Variants in MSH3 observed in about 807,000 individuals in gnomAD.
MSH3 encodes mutS homolog 3, also known as DNA mismatch repair protein Msh3.
In MSH3, 106 loss-of-function variants were observed where a neutral mutation model predicts 123.3. The observed-to-expected ratio is 0.86, with a 90% CI of 0.73 to 1.01. The LOEUF is 1.01. Among genes scored for constraint, MSH3 ranks in the 50% least tolerant of loss-of-function variants. MSH3 has a pLI of 0.00. For synonymous variants in MSH3, 515 were observed against 481.4 expected, an observed-to-expected ratio of 1.07 and a Z score of -0.91; for missense variants, 1,459 against 1,347.6, an observed-to-expected ratio of 1.08 and a Z score of -1.29.
At chr5:80,748,621 C>A (rs539305801) in intron 12 of MSH3, among the ~76,000 whole-genome samples, 70 of 150,674 alleles carry the variant, frequency 4.6e-4, no homozygotes, top group Non-Finnish European at 7.8e-4. Context: ...TAGATTATAT[C>A]GAATTAATTT....
At chr5:80,840,346 T>A (rs368416581) in intron 20 of MSH3, among the ~76,000 whole-genome samples, 2 of 152,282 alleles carry the variant, frequency 1.3e-5, no homozygotes, top group African/African-American at 4.8e-5. Context: ...CTAAAACTCT[T>A]CATTTCTATC....
At chr5:80,658,035 C>CCCT (rs369384745) in intron 2 of MSH3, among the ~76,000 whole-genome samples, 1 of 87,218 alleles carries the variant, frequency 1.1e-5, no homozygotes, top group Non-Finnish European at 2.2e-5. Flanking sequence ...GCTTTTTGCC[C>CCCT]TCTTTTTTTT....
intron 22 of MSH3, among the ~76,000 whole-genome samples, chr5:80,868,206 G>A (rs1278153758): frequency 1.3e-5 from 2 of 152,106 alleles, no homozygotes; most frequent in East Asian, 3.9e-4. Context: ...GTAAGGCAGT[G>A]TGGTGATTCC....
At chr5:80,665,430 C>G (rs1033973823) in intron 3 of MSH3, 67 bp downstream of exon 3, 2 of 1,173,302 alleles carry the variant, frequency 1.7e-6, no homozygotes, top group African/African-American at 3.0e-5. Context: ...CTGTCAGGTT[C>G]TCTGAGGTCA....
chr5:80,751,556 G>A (rs1743840238), intron 12 of MSH3, among the ~76,000 whole-genome samples: 1 of 152,122 alleles, frequency 6.6e-6, no homozygotes, highest in South Asian at 2.1e-4. Context: ...TGGTGTGCTG[G>A]CACCCTTTGG....
chr5:80,679,246 A>G, intron 8 of MSH3, among the ~76,000 whole-genome samples, 153 bp downstream of exon 8: 1 of 152,210 alleles, frequency 6.6e-6, no homozygotes, highest in East Asian at 1.9e-4. Context: ...AAGTAAAACA[A>G]CAAAGCTGGG....
chr5:80,751,944 CA>C (rs1422434294), intron 12 of MSH3, among the ~76,000 whole-genome samples: 1 of 151,956 alleles, frequency 6.6e-6, no homozygotes, highest in Non-Finnish European at 1.5e-5. Context: ...CTCATCTATT[CA>C]ACGTCTGATG....
chr5:80,693,115 TTATA>T (rs530895958), intron 8 of MSH3, among the ~76,000 whole-genome samples: 1,106 of 104,590 alleles, frequency 0.011, 66 homozygotes, highest in Middle Eastern at 0.043. Flanking sequence ...ACATGTATGT[TTATA>T]TAGATAAATA....
chr5:80,744,751 A>G lies in MSH3; in HGVS notation c.1763+136A>G. 4 of 714,852 alleles carry G rather than the reference A, an allele frequency of 5.6e-6. No individual in the cohort carries two copies. In the Admixed American group the frequency reaches 9.1e-5, roughly 16 times the overall value. 44.3% of individuals were successfully genotyped at this position (714,852 alleles called of 1,614,324 possible). On this transcript the variant is annotated intron_variant, in intron 12 of 23. Coordinates refer to ENST00000265081, the MANE Select transcript of MSH3 (RefSeq NM_002439.5). ...AGAACATTTTATTTTAGAACTGAGC[A>G]ATAGACTGGCTCTCTAGTATTACAA...
intron 10 of MSH3, among the ~76,000 whole-genome samples, chr5:80,740,850 G>A (rs1289622271): frequency 1.3e-5 from 2 of 151,948 alleles, no homozygotes; most frequent in African/African-American, 4.8e-5. Context: ...GAGTACCTGG[G>A]ACTACAGGTT....
intron 20 of MSH3, among the ~76,000 whole-genome samples, chr5:80,846,567 T>C (rs1293469914): frequency 6.6e-6 from 1 of 152,142 alleles, no homozygotes; most frequent in Non-Finnish European, 1.5e-5. Flanking sequence ...TCTGCCCAGT[T>C]TGAGCTTCCA....
chr5:80,692,186 ACATG>A (rs1750290369), intron 8 of MSH3, among the ~76,000 whole-genome samples: 1 of 141,506 alleles, frequency 7.1e-6, no homozygotes, highest in African/African-American at 2.6e-5. Context: ...AGATAGATAA[ACATG>A]TATATGTTTA....
chr5:80,854,076 C>T (rs1745875265), intron 20 of MSH3, 54 bp from the exon 21 acceptor site: 2 of 1,400,762 alleles, frequency 1.4e-6, no homozygotes, highest in Admixed American at 3.4e-5. Context: ...TAATGTTCGG[C>T]TTCCTAATAA....
chr5:80,714,221 C>T (rs920912329), intron 8 of MSH3, among the ~76,000 whole-genome samples: 5 of 149,398 alleles, frequency 3.3e-5, no homozygotes, highest in South Asian at 2.1e-4. Context: ...CTGTAACCTC[C>T]GCCTCCCGGG....
chr5:80,843,435 G>A (rs964748162), intron 20 of MSH3, among the ~76,000 whole-genome samples: 2 of 152,174 alleles, frequency 1.3e-5, no homozygotes, highest in Non-Finnish European at 2.9e-5. Flanking sequence ...AGTTAGGGAG[G>A]ATTCCCTCTT....
intron 8 of MSH3, among the ~76,000 whole-genome samples, chr5:80,694,762 A>G (rs1312967426): frequency 2.0e-5 from 3 of 151,974 alleles, no homozygotes; most frequent in Admixed American, 6.6e-5. Flanking sequence ...TGGGTTGACA[A>G]TTATTTTTTC....
chr5:80,658,768 T>C (rs902537664), intron 2 of MSH3, among the ~76,000 whole-genome samples: 5 of 139,596 alleles, frequency 3.6e-5, no homozygotes, highest in African/African-American at 8.0e-5. Context: ...ATTAAAAATA[T>C]ATATATTTTT....
intron 19 of MSH3, among the ~76,000 whole-genome samples, chr5:80,805,780 T>TG (rs1234214091): frequency 6.6e-6 from 1 of 151,942 alleles, no homozygotes; most frequent in Non-Finnish European, 1.5e-5. Flanking sequence ...TTAATAGAGA[T>TG]GGGGTTTCAC....
intron 20 of MSH3, among the ~76,000 whole-genome samples, chr5:80,847,003 C>T (rs1021696517): frequency 2.0e-5 from 3 of 152,046 alleles, no homozygotes; most frequent in Non-Finnish European, 4.4e-5. Context: ...GCATCCATCT[C>T]GGTGGGAGCT....
Sources: gnomAD v4.1 joint callset for allele counts (sites outside exome capture counted in the v4.1 genomes callset) on GRCh38, gnomAD v4.1.1 for gene constraint, MANE v1.5 for transcripts, NCBI Gene and HGNC (gene_info 2026-07-23, HGNC 2026-07-21) for gene names.